CREB3L2: variants seen among roughly 807,000 people sequenced by gnomAD.
The protein encoded by CREB3L2 is cyclic AMP-responsive element-binding protein 3-like protein 2.
CREB3L2 carries 23 observed loss-of-function variants against 57.2 expected under a neutral mutation model. The observed-to-expected ratio is 0.40, with a 90% CI of 0.29 to 0.57. The LOEUF (loss-of-function observed/expected upper bound fraction) is 0.57, where lower values mean the gene tolerates loss of function less well. Among genes scored for constraint, CREB3L2 ranks in the 20% least tolerant of loss-of-function variants. The pLI, the probability that CREB3L2 is intolerant of heterozygous loss-of-function variation, is 0.42. For missense variants in CREB3L2, 628 were observed against 634.7 expected, an observed-to-expected ratio of 0.99 and a Z score of 0.11; for synonymous variants, 268 against 265.1, an observed-to-expected ratio of 1.01 and a Z score of -0.11.
chr7:137,891,496 G>A (rs1282221995), intron 8 of CREB3L2, among the ~76,000 whole-genome samples: 4 of 151,724 alleles, frequency 2.6e-5, no homozygotes, highest in Non-Finnish European at 4.4e-5. Flanking sequence ...TCAGAAACCA[G>A]GAGCAGGAAA....
chr7:137,938,754 A>G (rs1245990253), intron 1 of CREB3L2, among the ~76,000 whole-genome samples: 1 of 152,196 alleles, frequency 6.6e-6, no homozygotes, highest in African/African-American at 2.4e-5. Flanking sequence ...TTCCTTTTAA[A>G]CTACATAATT....
intron 8 of CREB3L2, among the ~76,000 whole-genome samples, chr7:137,885,757 C>A (rs977710127): frequency 6.6e-6 from 1 of 152,174 alleles, no homozygotes; most frequent in Non-Finnish European, 1.5e-5. Flanking sequence ...GAGGTAACTG[C>A]CTCCACATTA....
chr7:137,941,846 C>A (rs1187919764), intron 1 of CREB3L2, among the ~76,000 whole-genome samples: 1 of 152,136 alleles, frequency 6.6e-6, no homozygotes, highest in African/African-American at 2.4e-5. Flanking sequence ...TTACATGCCT[C>A]GCTAAAACTG....
intron 6 of CREB3L2, among the ~76,000 whole-genome samples, chr7:137,904,790 G>A (rs188941458): frequency 1.3e-5 from 2 of 148,746 alleles, no homozygotes; most frequent in East Asian, 2.0e-4. Context: ...AGTGAGCCGA[G>A]ATCATGCCAC....
intron 1 of CREB3L2, among the ~76,000 whole-genome samples, chr7:137,939,398 C>T (rs1800845501): frequency 6.6e-6 from 1 of 152,112 alleles, no homozygotes; most frequent in African/African-American, 2.4e-5. Flanking sequence ...CTAATTGTTC[C>T]CCAAAAATGC....
chr7:137,882,258 ACT>A (rs1484406211), intron 11 of CREB3L2, among the ~76,000 whole-genome samples, 152 bp downstream of exon 11: 1 of 151,836 alleles, frequency 6.6e-6, no homozygotes, highest in Non-Finnish European at 1.5e-5. Flanking sequence ...CCAGCAACAG[ACT>A]CTCTGCAGTC....
chr7:137,897,215 T>C (rs556645424), intron 8 of CREB3L2, among the ~76,000 whole-genome samples: 1 of 152,314 alleles, frequency 6.6e-6, no homozygotes, highest in South Asian at 2.1e-4. Context: ...ACTGTAAAAA[T>C]ATGCAATTTT....
chr7:137,940,804 T>A (rs1800869500), intron 1 of CREB3L2, among the ~76,000 whole-genome samples: 1 of 152,226 alleles, frequency 6.6e-6, no homozygotes, highest in Admixed American at 6.5e-5. Context: ...GAGCCAAATA[T>A]GTCTTAAGCA....
chr7:137,911,471 C>T (rs1585616653), intron 4 of CREB3L2, among the ~76,000 whole-genome samples: 2 of 152,326 alleles, frequency 1.3e-5, no homozygotes, highest in South Asian at 2.1e-4. Flanking sequence ...TATACCTTTT[C>T]GGTGACAACT....
intron 3 of CREB3L2, 141 bp downstream of exon 3, chr7:137,915,696 G>GTA (rs768854871): frequency 4.6e-6 from 3 of 650,552 alleles, no homozygotes; most frequent in Non-Finnish European, 7.8e-6. Flanking sequence ...GTATACATAT[G>GTA]TATATACACA....
chr7:137,957,195 C>T (rs916873000), intron 1 of CREB3L2, among the ~76,000 whole-genome samples: 1 of 150,554 alleles, frequency 6.6e-6, no homozygotes, highest in African/African-American at 2.4e-5. Flanking sequence ...CTCCCTTCTC[C>T]ACCTGGAAAA....
intron 8 of CREB3L2, among the ~76,000 whole-genome samples, chr7:137,886,891 A>C (rs1799431090): frequency 6.6e-6 from 1 of 152,160 alleles, no homozygotes; most frequent in African/African-American, 2.4e-5. Context: ...TGCAAGGCAT[A>C]GAAAAGGATC....
intron 1 of CREB3L2, among the ~76,000 whole-genome samples, chr7:137,939,394 G>GC (rs1461094772): frequency 1.3e-5 from 2 of 152,118 alleles, no homozygotes; most frequent in African/African-American, 4.8e-5. Flanking sequence ...ATTTCTAATT[G>GC]TTCCCCAAAA....
At chr7:137,886,177 A>G (rs771834587) in intron 8 of CREB3L2, among the ~76,000 whole-genome samples, 1 of 152,262 alleles carries the variant, frequency 6.6e-6, no homozygotes, top group African/African-American at 2.4e-5. Flanking sequence ...ATTTTGTTAT[A>G]GCAACCTGAA....
chr7:137,904,141 T>G (rs1471614239), intron 6 of CREB3L2, 124 bp from the exon 7 acceptor site: 1 of 774,158 alleles, frequency 1.3e-6, no homozygotes, highest in African/African-American at 1.7e-5. Context: ...TGCTTGCCAT[T>G]TGTTTAAGCT....
At chr7:137,909,108 G>A (rs186001595) in intron 4 of CREB3L2, among the ~76,000 whole-genome samples, 5 of 152,272 alleles carry the variant, frequency 3.3e-5, no homozygotes, top group South Asian at 4.1e-4. Flanking sequence ...TCAAAAAGCC[G>A]GAGTGGCTGC....
intron 4 of CREB3L2, among the ~76,000 whole-genome samples, 179 bp from the exon 5 acceptor site, chr7:137,908,615 A>G (rs1799943220): frequency 6.6e-6 from 1 of 152,176 alleles, no homozygotes; most frequent in Non-Finnish European, 1.5e-5. Context: ...GAAAGAGGAT[A>G]TAGACCCACA....
At chr7:137,970,543 G>GT (rs1801488676) in intron 1 of CREB3L2, among the ~76,000 whole-genome samples, 1 of 122,536 alleles carries the variant, frequency 8.2e-6, no homozygotes, top group African/African-American at 3.1e-5. Flanking sequence ...AACAGCAACT[G>GT]TAAGAAGGAA....
intron 1 of CREB3L2, among the ~76,000 whole-genome samples, chr7:137,942,717 A>G (rs543197968): frequency 9.0e-4 from 137 of 152,338 alleles, no homozygotes; most frequent in African/African-American, 3.0e-3. Flanking sequence ...TGCAATCACC[A>G]TATGTTAAAA....
Sources: allele counts gnomAD v4.1 joint callset (sites outside exome capture counted in the v4.1 genomes callset), GRCh38; gene constraint gnomAD v4.1.1; transcripts MANE v1.5; gene names NCBI Gene and HGNC (gene_info 2026-07-23, HGNC 2026-07-21).